The following AXIN2 variants were observed in gnomAD, a reference collection of about 807,000 sequenced individuals.
AXIN2 encodes axin 2, also known as axin-2.
AXIN2 carries 21 observed loss-of-function variants against 74.7 expected under a neutral mutation model. The observed-to-expected ratio is 0.28, with a 90% CI of 0.20 to 0.40. The LOEUF (loss-of-function observed/expected upper bound fraction) is 0.40, where lower values mean the gene tolerates loss of function less well. Ranked by LOEUF, AXIN2 falls within the 10% of genes least tolerant of loss-of-function variation. The pLI is 1.00. For synonymous variants in AXIN2, 532 were observed against 454.9 expected (o/e 1.17, Z -2.16); for missense variants, 1,144 against 1,111.1 (o/e 1.03, Z -0.42).
At position 65,538,290 on chromosome 17, in the gene AXIN2, T is replaced by C. The variant is rs2144477713; in HGVS notation, c.1113A>G (p.Ala371=). ...TTTCCAGCCTCGAGATCAGCTCAGC[T>C]GCAAAGGTGGCGGGTTCCACGGGGG... is the stretch of plus-strand genomic sequence containing the variant. ...EMTPVEPATF[A]AELISRLEKL... The change falls in exon 5 of 11, where the codon GCA becomes GCG. Residue 371 remains alanine, a synonymous_variant. Transcript: ENST00000307078. The C allele has an allele frequency of 6.2e-7, 1 of 1,614,174 alleles. No individual in the cohort carries two copies. The highest frequency in any genetic ancestry group is 8.5e-7 in the Non-Finnish European group (1 of 1,180,032).
intron 4 of AXIN2, among the ~76,000 whole-genome samples, chr17:65,539,836 CAACCTGGATCTGAGGCTGTTGTA>C (rs1277166241): frequency 3.3e-5 from 5 of 152,316 alleles, no homozygotes; most frequent in African/African-American, 1.2e-4. Context: ...CCCCTCCTTG[CAACCTGGATCTGAGGCTGTTGTA>C]AACAGCACAG....
Position 65,528,805 on chromosome 17 carries a change from G to A in AXIN2, c.*1171C>T. ...AGCCCTCAATATAGGGCGACACACG[G>A]AGCGGGTGACCGTGCAGGTACAGGT... On this transcript the variant is annotated 3_prime_UTR_variant, in exon 11 of 11. Transcript: ENST00000307078. 1 of 480,392 alleles carries A rather than the reference G, an allele frequency of 2.1e-6. No individual in the cohort carries two copies. Among genetic ancestry groups the A allele is most frequent in the South Asian group, 1.9e-5 (1 of 53,548 alleles). The allele number at this position is 480,392 out of a possible 1,614,324, so 29.8% of individuals were successfully genotyped here.
At chr17:65,539,902 CTT>C (rs942984714) in intron 4 of AXIN2, among the ~76,000 whole-genome samples, 3 of 152,296 alleles carry the variant, frequency 2.0e-5, no homozygotes, top group East Asian at 1.9e-4. Flanking sequence ...GGGAAGTTCT[CTT>C]GAGTACAGCC....
chr17:65,555,933 C>T (rs367811510), intron 2 of AXIN2, among the ~76,000 whole-genome samples: 34 of 151,994 alleles, frequency 2.2e-4, no homozygotes, highest in African/African-American at 7.0e-4. Flanking sequence ...AGAAGGCACA[C>T]GTGAATCTCG....
intron 4 of AXIN2, among the ~76,000 whole-genome samples, chr17:65,540,332 CTG>C (rs1377907336): frequency 3.9e-5 from 6 of 152,272 alleles, no homozygotes; most frequent in Admixed American, 3.3e-4. Flanking sequence ...GTTCTAGTCT[CTG>C]TGCATACAGA....
chr17:65,560,510 C>T (rs2044350728), intron 1 of AXIN2: 1 of 152,352 alleles, frequency 6.6e-6, no homozygotes, highest in Non-Finnish European at 1.5e-5. Context: ...CACGCCGACT[C>T]ACATCCATAA....
chr17:65,549,930 G>A (rs1046662331), intron 2 of AXIN2, among the ~76,000 whole-genome samples: 9 of 152,170 alleles, frequency 5.9e-5, no homozygotes, highest in Non-Finnish European at 1.2e-4. Flanking sequence ...CAGCCCAGGG[G>A]ATCCTGTGAA....
Position 65,557,824 on chromosome 17 carries a change from G to A in AXIN2, c.797C>T (p.Thr266Ile). The change falls in exon 2 of 11, where the codon ACT becomes ATT. Residue 266 changes from threonine to isoleucine, a missense_variant. Thr to Ile is a moderately conservative substitution (Grantham distance 89). Around this residue, in one of 4 missense-constraint regions of AXIN2, gnomAD observed 1,053 missense variants for 973.5 expected, o/e 1.08. Coordinates refer to ENST00000307078, the MANE Select transcript of AXIN2 (RefSeq NM_004655.4). The stretch of plus-strand genomic sequence containing the variant: ...GTCTTACCTGTATCCACTGTCAACA[G>A]TTTCCGTGGACCTCACACTCGCCGT... ...RATASVRSTE[T>I]VDSGYRSFKR... 6.2e-7 allele frequency: 1 copy of A among 1,614,204 alleles called. No individual in the cohort carries two copies.
At chr17:65,551,195 A>C (rs2044188127) in intron 2 of AXIN2, among the ~76,000 whole-genome samples, 1 of 152,056 alleles carries the variant, frequency 6.6e-6, no homozygotes, top group Non-Finnish European at 1.5e-5. Context: ...CCTGGGACAG[A>C]TGGGACTGAT....
At chr17:65,549,708 A>T in intron 2 of AXIN2, 48 bp from the exon 3 acceptor site, 1 of 1,565,626 alleles carries the variant, frequency 6.4e-7, no homozygotes, top group Non-Finnish European at 8.7e-7. Context: ...CTCACCAGAA[A>T]CCCAGGTAAT....
At chr17:65,536,747 A>G in intron 7 of AXIN2, 122 bp downstream of exon 7, 1 of 1,481,012 alleles carries the variant, frequency 6.8e-7, no homozygotes, top group Non-Finnish European at 9.4e-7. Flanking sequence ...TTTAATATTA[A>G]GATGGCAGGA....
At chr17:65,541,817 A>C (rs535114605) in intron 3 of AXIN2, among the ~76,000 whole-genome samples, 1 of 152,336 alleles carries the variant, frequency 6.6e-6, no homozygotes, top group African/African-American at 2.4e-5. Context: ...GAGCCTGGAA[A>C]GTTAATCTCT....
At position 65,558,342 on chromosome 17, in the gene AXIN2, G is replaced by A. The variant is rs2044304987; in HGVS notation, c.279C>T (p.Tyr93=). The change falls in exon 2 of 11, where the codon TAC becomes TAT. Residue 93 remains tyrosine (Y), a synonymous_variant. Transcript: ENST00000307078. ...HSLLGDQDGA[Y]LFRTFLEREK... ...CCCTCTCCAGGAAAGTTCGGAACAG[G>A]TAAGCACCGTCTTGATCGCCCAATA... 4.3e-6 allele frequency: 7 copies of A among 1,614,052 alleles called. No homozygotes were observed. Among genetic ancestry groups the A allele is most frequent in the African/African-American group, 1.3e-5 (1 of 74,920 alleles).
In AXIN2 at chr17:65,558,223, G is replaced by A. The variant is rs767445163; in HGVS notation, c.398C>T (p.Ala133Val). Reference sequence around the variant, plus strand: ...GTTCTCAATGTACCTTTTGTAGATCGCTTTGGCTACTCGTAAAGTTTTGGT... The same window carrying A: ...GTTCTCAATGTACCTTTTGTAGATCACTTTGGCTACTCGTAAAGTTTTGGT... ...KDTKTLRVAKAIYKRYIENNS... is the reference protein window; with the variant it reads ...KDTKTLRVAKVIYKRYIENNS... The change falls in exon 2 of 11, where the codon GCG becomes GTG. Residue 133 changes from alanine (A) to valine (V), a missense_variant. This residue lies in a region of AXIN2 where 1,053 missense variants were observed against 973.5 expected (regional missense o/e 1.08). Transcript: ENST00000307078. 6.2e-7 allele frequency: 1 copy of A among 1,613,944 alleles called. No homozygotes were observed. The highest frequency in any genetic ancestry group is 8.5e-7 in the Non-Finnish European group (1 of 1,179,988).
At chr17:65,532,664 G>C (rs978997760) in intron 10 of AXIN2, among the ~76,000 whole-genome samples, 1 of 152,220 alleles carries the variant, frequency 6.6e-6, no homozygotes, top group Non-Finnish European at 1.5e-5. Flanking sequence ...TGCTCTAGAG[G>C]GGAGGGTGTC....
At chr17:65,555,823 A>T (rs1488735126) in intron 2 of AXIN2, among the ~76,000 whole-genome samples, 1 of 152,124 alleles carries the variant, frequency 6.6e-6, no homozygotes, top group Non-Finnish European at 1.5e-5. Context: ...ATGATGTGAG[A>T]TCATCTGGCT....
chr17:65,536,797 G>C, intron 7 of AXIN2, 72 bp downstream of exon 7: 1 of 1,596,170 alleles, frequency 6.3e-7, no homozygotes. Flanking sequence ...TGCAAAAACA[G>C]CCATTCCCAC....
intron 4 of AXIN2, among the ~76,000 whole-genome samples, chr17:65,539,679 G>C (rs1418989888): frequency 6.6e-6 from 1 of 152,202 alleles, no homozygotes; most frequent in African/African-American, 2.4e-5. Context: ...TCAGAGAAGA[G>C]CTATAGTTTG....
intron 10 of AXIN2, among the ~76,000 whole-genome samples, chr17:65,532,126 G>A (rs1000402041): frequency 1.3e-5 from 2 of 152,066 alleles, no homozygotes; most frequent in Admixed American, 1.3e-4. Flanking sequence ...AACTGGAGAG[G>A]ATCGGAGAGT....
Sources: allele counts gnomAD v4.1 joint callset (sites outside exome capture counted in the v4.1 genomes callset), GRCh38; gene constraint gnomAD v4.1.1; regional missense constraint gnomAD v4.1.1; transcripts MANE v1.5; gene names NCBI Gene and HGNC (gene_info 2026-07-23, HGNC 2026-07-21).